OPHN1: variants seen among roughly 807,000 people sequenced by gnomAD.
OPHN1 encodes oligophrenin 1.
OPHN1 carries 11 observed loss-of-function variants against 60.7 expected under a neutral mutation model. The observed-to-expected ratio is 0.18, with a 90% CI of 0.11 to 0.30. The LOEUF is 0.30. OPHN1 is among the 10% of genes least tolerant of loss of function. OPHN1 has a pLI of 1.00. For missense variants in OPHN1, 449 were observed against 611.0 expected, an observed-to-expected ratio of 0.73 and a Z score of 2.80; for synonymous variants, 226 against 222.6, an observed-to-expected ratio of 1.02 and a Z score of -0.14.
intron 3 of OPHN1, among the ~76,000 whole-genome samples, chrX:68,295,448 C>A (rs759798493): frequency 8.9e-6 from 1 of 112,007 alleles, no homozygotes; most frequent in African/African-American, 3.2e-5. Flanking sequence ...GGATTATACT[C>A]CCCCACTATA....
At chrX:68,351,882 T>C (rs1218738790) in intron 2 of OPHN1, among the ~76,000 whole-genome samples, 1 of 86,016 alleles carries the variant, frequency 1.2e-5, no homozygotes, top group Non-Finnish European at 2.3e-5. Flanking sequence ...TCTTTTTTTT[T>C]TTTTTTTTTT....
In OPHN1 at chrX:68,200,410, A is replaced by G. The variant is rs1192895682; in HGVS notation, c.1025+1209T>C. 4.5e-5 allele frequency among the ~76,000 whole-genome samples: 5 copies of G among 111,612 alleles called. No homozygotes were observed. In the East Asian group the frequency reaches 1.4e-3, roughly 32 times the overall value. ...GAAACATAAATTCATCCTAGCCCCT[A>G]ACCACGGGGACAAACTGTTTGCAAC... On this transcript the variant is annotated intron_variant, in intron 11 of 24. Coordinates refer to ENST00000355520, the MANE Select transcript of OPHN1 (RefSeq NM_002547.3).
At chrX:68,075,125 G>C (rs2076948993) in intron 19 of OPHN1, among the ~76,000 whole-genome samples, 1 of 112,431 alleles carries the variant, frequency 8.9e-6, no homozygotes, top group South Asian at 3.7e-4. Context: ...AATGCTGAGA[G>C]ACTGAAAAAA....
At chrX:68,217,222 G>A (rs1367437046) in intron 6 of OPHN1, among the ~76,000 whole-genome samples, 1 of 112,034 alleles carries the variant, frequency 8.9e-6, no homozygotes, top group Non-Finnish European at 1.9e-5. Flanking sequence ...TTTTCCGACG[G>A]GCTTAAAAAA....
At chrX:68,150,864 T>G (rs1412656412) in intron 15 of OPHN1, among the ~76,000 whole-genome samples, 2 of 112,089 alleles carry the variant, frequency 1.8e-5, no homozygotes, top group Non-Finnish European at 3.8e-5. Flanking sequence ...AGTCTGAAAT[T>G]GGAATTCTAT....
At chrX:68,353,804 A>C (rs2032187427) in intron 2 of OPHN1, among the ~76,000 whole-genome samples, 1 of 111,705 alleles carries the variant, frequency 9.0e-6, no homozygotes, top group South Asian at 3.7e-4. Context: ...TGACTGTTTT[A>C]ATATACACTC....
intron 15 of OPHN1, among the ~76,000 whole-genome samples, chrX:68,182,271 G>A (rs761963804): frequency 1.4e-3 from 143 of 104,065 alleles, no homozygotes; most frequent in African/African-American, 4.8e-3. Context: ...CACTGAGGGG[G>A]TCCTACCCAT....
intron 16 of OPHN1, among the ~76,000 whole-genome samples, chrX:68,116,744 T>G (rs1292543716): frequency 8.9e-6 from 1 of 111,943 alleles, no homozygotes; most frequent in African/African-American, 3.3e-5. Flanking sequence ...CTTCTTGTGT[T>G]TCTCAAATCA....
In OPHN1 at chrX:68,044,155, A is replaced by ACC. The variant is rs2076825078; in HGVS notation, c.*3015_*3016dup. On this transcript the variant is annotated 3_prime_UTR_variant, in exon 25 of 25. Transcript: ENST00000355520. ...GCATTTCCATATAAACTGAACCTGCACCCCCTCCCTCCTTCAAATGTTTGC... is the reference window on the plus strand; with the variant it reads ...GCATTTCCATATAAACTGAACCTGCACCCCCCCTCCCTCCTTCAAATGTTTGC... The ACC allele has an allele frequency of 8.9e-6, 1 of 111,815 alleles. No individual in the cohort carries two copies. The highest frequency in any genetic ancestry group is 1.9e-5 in the Non-Finnish European group (1 of 53,143). The allele number at this position is 111,815 out of a possible 1,213,427, so 9.2% of individuals were successfully genotyped here.
chrX:68,234,629 T>C (rs753861732), intron 5 of OPHN1, 41 bp from the exon 6 acceptor site: 7 of 966,738 alleles, frequency 7.2e-6, no homozygotes, highest in Non-Finnish European at 8.9e-6. Context: ...ATGTCTGTAG[T>C]TGTAACTCTG....
chrX:68,149,335 A>G (rs1165021129), intron 15 of OPHN1, among the ~76,000 whole-genome samples: 1 of 111,934 alleles, frequency 8.9e-6, no homozygotes, highest in African/African-American at 3.2e-5. Context: ...GAGAAGTTTT[A>G]CCAAAGTTTT....
intron 15 of OPHN1, among the ~76,000 whole-genome samples, chrX:68,191,576 G>A (rs999494458): frequency 2.7e-5 from 3 of 112,015 alleles, no homozygotes; most frequent in East Asian, 2.8e-4. Flanking sequence ...GGAAACTCCT[G>A]CATGTAGTTA....
At chrX:68,231,086 A>T (rs1280393817) in intron 6 of OPHN1, among the ~76,000 whole-genome samples, 1 of 111,733 alleles carries the variant, frequency 8.9e-6, no homozygotes, top group East Asian at 2.8e-4. Context: ...GAAAAAAATG[A>T]GATCCCGTCA....
intron 2 of OPHN1, among the ~76,000 whole-genome samples, chrX:68,349,798 C>T (rs144722537): frequency 0.02 from 2,209 of 110,739 alleles, 18 homozygotes; most frequent in Non-Finnish European, 0.031. Context: ...TCTCAGCAAA[C>T]TATCACAAGA....
At chrX:68,342,129 C>T (rs2078356135) in intron 2 of OPHN1, among the ~76,000 whole-genome samples, 1 of 108,472 alleles carries the variant, frequency 9.2e-6, no homozygotes, top group Non-Finnish European at 1.9e-5. Context: ...ACCACCATGC[C>T]CGGCTGATTT....
At chrX:68,173,858 C>A (rs1411704355) in intron 15 of OPHN1, among the ~76,000 whole-genome samples, 1 of 111,049 alleles carries the variant, frequency 9.0e-6, no homozygotes, top group African/African-American at 3.3e-5. Context: ...AGAGCATATA[C>A]TATTTATATA....
intron 2 of OPHN1, among the ~76,000 whole-genome samples, chrX:68,359,855 CAAAAAAAAAAA>C (rs1186524030): frequency 2.6e-4 from 5 of 19,224 alleles, no homozygotes; most frequent in Admixed American, 2.0e-3. Context: ...GACTCCGTCT[CAAAAAAAAAAA>C]AAAAAAAAAA....
At chrX:68,083,585 C>T (rs2076983720) in intron 19 of OPHN1, among the ~76,000 whole-genome samples, 1 of 112,221 alleles carries the variant, frequency 8.9e-6, no homozygotes, top group South Asian at 3.7e-4. Context: ...TGGAGTAGCA[C>T]TTTTAATTTT....
chrX:68,042,486 C>T lies in OPHN1; in HGVS notation c.*4686G>A, dbSNP rs949229009. Reference sequence around the variant, plus strand: ...CTACTAATGTCCTTGGCATCAAGTGCTTCATTTCCCCCAGGAAAATGAAGG... The same window carrying T: ...CTACTAATGTCCTTGGCATCAAGTGTTTCATTTCCCCCAGGAAAATGAAGG... On this transcript the variant is annotated 3_prime_UTR_variant, in exon 25 of 25. Transcript: ENST00000355520. The T allele has an allele frequency of 2.7e-5, 3 of 111,522 alleles. No homozygotes were observed. The highest frequency in any genetic ancestry group is 9.8e-5 in the African/African-American group (3 of 30,646). 9.2% of individuals were successfully genotyped at this position (111,522 alleles called of 1,213,427 possible). A position where few individuals can be genotyped will look rare whatever the true frequency, so the allele number is the denominator to read the frequency against.
Sources: gnomAD v4.1 joint callset for allele counts (sites outside exome capture counted in the v4.1 genomes callset) on GRCh38, gnomAD v4.1.1 for gene constraint, MANE v1.5 for transcripts, NCBI Gene and HGNC (gene_info 2026-07-23, HGNC 2026-07-21) for gene names.